ROBO1: variants seen among roughly 807,000 people sequenced by gnomAD.
ROBO1 encodes roundabout homolog 1.
A neutral mutation model predicts 195.9 loss-of-function variants in ROBO1; 149 were observed. That is an observed-to-expected ratio of 0.76 (90% confidence interval 0.67 to 0.87). ROBO1 has a LOEUF of 0.87. Ranked by LOEUF, ROBO1 falls within the 40% of genes least tolerant of loss-of-function variation. The probability of loss-of-function intolerance (pLI) is 0.00; values close to 1 mark genes in which losing one functional copy is unlikely to be tolerated. For missense variants in ROBO1, 1,933 were observed against 2,068.3 expected (o/e 0.93, Z 1.27); for synonymous variants, 816 against 733.2 (o/e 1.11, Z -1.82).
At chr3:78,998,929 T>G (rs895053509) in intron 3 of ROBO1, among the ~76,000 whole-genome samples, 4 of 152,062 alleles carry the variant, frequency 2.6e-5, no homozygotes, top group African/African-American at 9.7e-5. Flanking sequence ...TATCTTCATA[T>G]TCTGTGATAT....
intron 1 of ROBO1, among the ~76,000 whole-genome samples, chr3:79,641,744 G>A (rs528145396): frequency 1.3e-5 from 2 of 152,206 alleles, no homozygotes; most frequent in South Asian, 2.1e-4. Context: ...GAGGCTAGGT[G>A]TGGTGGTTCA....
At chr3:79,321,746 T>G (rs1023343212) in intron 2 of ROBO1, among the ~76,000 whole-genome samples, 1 of 152,164 alleles carries the variant, frequency 6.6e-6, no homozygotes, top group Non-Finnish European at 1.5e-5. Context: ...CACAGGCAGA[T>G]CAAAACAGAG....
chr3:79,539,610 A>G (rs531217921), intron 2 of ROBO1, among the ~76,000 whole-genome samples: 1 of 152,216 alleles, frequency 6.6e-6, no homozygotes, highest in South Asian at 2.1e-4. Flanking sequence ...AAGTGACATT[A>G]TACTCTGAAA....
rs1024075049 is a variant in ROBO1, at chr3:78,653,637, G to C, written c.2615-1708C>G. Among the ~76,000 whole-genome samples, 6 of 152,246 alleles carry C rather than the reference G, an allele frequency of 3.9e-5. No homozygotes were observed. In the East Asian group the frequency reaches 1.2e-3, roughly 29 times the overall value. On this transcript the variant is annotated intron_variant, in intron 18 of 30. Transcript: ENST00000464233. ...TAATAAACTGCTTCCGTTATTTCAC[G>C]TGTTTTTGTTGTGTTGCCTCCTCTG...
intron 2 of ROBO1, among the ~76,000 whole-genome samples, chr3:79,231,189 C>A (rs1234129034): frequency 6.6e-6 from 1 of 152,012 alleles, no homozygotes; most frequent in Non-Finnish European, 1.5e-5. Flanking sequence ...ACACCAAAAG[C>A]AATTGCAATA....
chr3:79,736,340 C>T (rs1250387303), intron 1 of ROBO1, among the ~76,000 whole-genome samples: 1 of 152,166 alleles, frequency 6.6e-6, no homozygotes, highest in East Asian at 1.9e-4. Flanking sequence ...TTTGAAGTCT[C>T]AGGGGCAATG....
chr3:79,053,026 C>CT, intron 3 of ROBO1, among the ~76,000 whole-genome samples: 1 of 152,046 alleles, frequency 6.6e-6, no homozygotes, highest in Non-Finnish European at 1.5e-5. Context: ...GAACACTGTC[C>CT]TTGGTTTCCT....
At chr3:78,856,099 G>A (rs1366426427) in intron 4 of ROBO1, among the ~76,000 whole-genome samples, 1 of 149,878 alleles carries the variant, frequency 6.7e-6, no homozygotes, top group East Asian at 2.0e-4. Flanking sequence ...ATTCTAAAAG[G>A]AAGATCTATT....
At chr3:79,511,400 A>C (rs750062118) in intron 2 of ROBO1, among the ~76,000 whole-genome samples, 1 of 152,262 alleles carries the variant, frequency 6.6e-6, no homozygotes, top group South Asian at 2.1e-4. Flanking sequence ...TATATTAGTA[A>C]ATTTCTCTAC....
At chr3:78,790,094 G>A (rs760440064) in intron 4 of ROBO1, among the ~76,000 whole-genome samples, 1 of 152,112 alleles carries the variant, frequency 6.6e-6, no homozygotes, top group Non-Finnish European at 1.5e-5. Context: ...GACTGTTGGA[G>A]TCCTAAAACA....
At position 79,254,029 on chromosome 3, in the gene ROBO1, C is replaced by A. The variant is rs934939818; in HGVS notation, c.89-128490G>T. On this transcript the variant is annotated intron_variant, in intron 2 of 30. Coordinates refer to ENST00000464233, the MANE Select transcript of ROBO1 (RefSeq NM_002941.4). Reference sequence around the variant, plus strand: ...CGGCAAGAAGGCTCTGGAGTGACTTCTTCTTGTTTCAGTTATTTATTTTCT... The same window carrying A: ...CGGCAAGAAGGCTCTGGAGTGACTTATTCTTGTTTCAGTTATTTATTTTCT... Among the ~76,000 whole-genome samples the A allele has an allele frequency of 2.1e-4, 32 of 152,116 alleles. 1 individual carries two copies. The highest frequency in any genetic ancestry group is 8.8e-5 in the Non-Finnish European group (6 of 68,024).
At chr3:79,600,847 A>T (rs1047698191) in intron 1 of ROBO1, among the ~76,000 whole-genome samples, 17 of 152,016 alleles carry the variant, frequency 1.1e-4, no homozygotes, top group Non-Finnish European at 2.4e-4. Flanking sequence ...ATATACCAAA[A>T]TTATACTAAA....
At chr3:78,746,659 T>G in intron 5 of ROBO1, 84 bp downstream of exon 5, 1 of 1,154,138 alleles carries the variant, frequency 8.7e-7, no homozygotes, top group Non-Finnish European at 1.1e-6. Context: ...GAAAATAATC[T>G]ACTTCATTTT....
At chr3:78,991,451 A>C (rs551766270) in intron 3 of ROBO1, among the ~76,000 whole-genome samples, 1 of 152,232 alleles carries the variant, frequency 6.6e-6, no homozygotes. Context: ...GTATAAGGAC[A>C]AATCTTTCAC....
chr3:79,447,713 TA>T (rs1370023320), intron 2 of ROBO1, among the ~76,000 whole-genome samples: 10 of 152,294 alleles, frequency 6.6e-5, no homozygotes, highest in African/African-American at 2.4e-4. Flanking sequence ...AACCAGTCCA[TA>T]AGTGTACTAA....
chr3:78,805,991 G>A (rs1029216474), intron 4 of ROBO1, among the ~76,000 whole-genome samples: 8 of 151,808 alleles, frequency 5.3e-5, no homozygotes, highest in Non-Finnish European at 1.2e-4. Flanking sequence ...CAGAGTCTTG[G>A]CTTTGTCACC....
chr3:78,630,180 T>A (rs1428882489), intron 25 of ROBO1, among the ~76,000 whole-genome samples: 1 of 152,206 alleles, frequency 6.6e-6, no homozygotes, highest in Non-Finnish European at 1.5e-5. Flanking sequence ...AAAACAAGGT[T>A]ATGTATTGGT....
intron 2 of ROBO1, among the ~76,000 whole-genome samples, chr3:79,398,412 A>C (rs779095692): frequency 1.3e-5 from 2 of 152,178 alleles, no homozygotes; most frequent in Non-Finnish European, 2.9e-5. Context: ...ATCACTGTGA[A>C]CATGACCTTT....
chr3:78,681,304 G>A (rs1386456110), intron 10 of ROBO1, among the ~76,000 whole-genome samples: 1 of 151,926 alleles, frequency 6.6e-6, no homozygotes, highest in African/African-American at 2.4e-5. Context: ...TGCACATTGT[G>A]CACATGTACC....
Sources: gnomAD v4.1 joint callset for allele counts (sites outside exome capture counted in the v4.1 genomes callset) on GRCh38, gnomAD v4.1.1 for gene constraint, MANE v1.5 for transcripts, NCBI Gene and HGNC (gene_info 2026-07-23, HGNC 2026-07-21) for gene names.